Variants in ST6GALNAC3 observed in about 807,000 individuals in gnomAD.
ST6GALNAC3 encodes the protein alpha-N-acetylgalactosaminide alpha-2,6-sialyltransferase 3.
ST6GALNAC3 carries 25 observed loss-of-function variants against 32.7 expected under a neutral mutation model. The observed-to-expected ratio is 0.76, with a 90% confidence interval of 0.56 to 1.07. The LOEUF is 1.07. ST6GALNAC3 is among the 50% of genes least tolerant of loss of function. The pLI is 0.00. For missense variants in ST6GALNAC3, 355 were observed against 382.4 expected, an observed-to-expected ratio of 0.93 and a Z score of 0.60; for synonymous variants, 129 against 133.1, an observed-to-expected ratio of 0.97 and a Z score of 0.21.
chr1:76,174,483 A>G (rs974560036), intron 1 of ST6GALNAC3, among the ~76,000 whole-genome samples: 2 of 151,170 alleles, frequency 1.3e-5, no homozygotes, highest in African/African-American at 2.4e-5. Flanking sequence ...GACTGTTTAC[A>G]TTTTCGTGAA....
chr1:76,454,257 G>C (rs1289352829), intron 3 of ST6GALNAC3, among the ~76,000 whole-genome samples: 3 of 152,078 alleles, frequency 2.0e-5, no homozygotes, highest in African/African-American at 7.2e-5. Flanking sequence ...CTTTTATGTG[G>C]AACATTTAGG....
At chr1:76,358,641 A>G (rs1164074931) in intron 2 of ST6GALNAC3, among the ~76,000 whole-genome samples, 1 of 152,094 alleles carries the variant, frequency 6.6e-6, no homozygotes, top group African/African-American at 2.4e-5. Flanking sequence ...ACTCCTCTAC[A>G]GTTACCATGG....
Position 76,074,845 on chromosome 1 carries a change from G to T in ST6GALNAC3, c.-22G>T. 4 of 1,585,152 alleles carry T rather than the reference G, an allele frequency of 2.5e-6. No individual in the cohort carries two copies. Among genetic ancestry groups the T allele is most frequent in the Non-Finnish European group, 3.4e-6 (4 of 1,166,192 alleles). ...ACCCAGGCGCGCCCGCTGCTCGGTG[G>T]CAGGAGGGCCGGCGGAGCGCCATGG... On this transcript the variant is annotated 5_prime_UTR_variant, in exon 1 of 5. Coordinates refer to ENST00000328299, the MANE Select transcript of ST6GALNAC3 (RefSeq NM_152996.4).
At chr1:76,574,047 A>G (rs315025) in intron 3 of ST6GALNAC3, among the ~76,000 whole-genome samples, 130,104 of 152,138 alleles carry the variant, frequency 0.86, 55,721 homozygotes, top group Middle Eastern at 0.88. Flanking sequence ...ACACTGCAAT[A>G]AATAATGCAA....
chr1:76,499,543 C>A (rs1159988040), intron 3 of ST6GALNAC3, among the ~76,000 whole-genome samples: 3 of 152,130 alleles, frequency 2.0e-5, no homozygotes, highest in Non-Finnish European at 4.4e-5. Flanking sequence ...CTACTCAGTT[C>A]TCCTTTGGTA....
intron 1 of ST6GALNAC3, among the ~76,000 whole-genome samples, chr1:76,281,632 C>T (rs1659502397): frequency 6.6e-6 from 1 of 152,210 alleles, no homozygotes; most frequent in South Asian, 2.1e-4. Context: ...AATCAGAATG[C>T]TGGAGCCAGG....
At chr1:76,175,140 T>C (rs911213022) in intron 1 of ST6GALNAC3, among the ~76,000 whole-genome samples, 2 of 152,150 alleles carry the variant, frequency 1.3e-5, no homozygotes, top group African/African-American at 4.8e-5. Flanking sequence ...TTTGATTACA[T>C]CCTTTGTATA....
chr1:76,569,409 A>T (rs34427182), intron 3 of ST6GALNAC3, among the ~76,000 whole-genome samples: 6,984 of 152,240 alleles, frequency 0.046, 215 homozygotes, highest in Non-Finnish European at 0.067. Flanking sequence ...ATTAACCTTG[A>T]GTGAGCTGAG....
chr1:76,256,517 T>A (rs1297146246), intron 1 of ST6GALNAC3, among the ~76,000 whole-genome samples: 4 of 152,134 alleles, frequency 2.6e-5, no homozygotes, highest in Non-Finnish European at 4.4e-5. Context: ...ACTGCTTCCA[T>A]GAGTTTAAAT....
chr1:76,337,206 G>A (rs1321088612), intron 2 of ST6GALNAC3, among the ~76,000 whole-genome samples: 2 of 152,104 alleles, frequency 1.3e-5, no homozygotes, highest in Non-Finnish European at 2.9e-5. Context: ...CTTGGACAAG[G>A]GGCACATCAT....
At chr1:76,358,066 A>T (rs1158603861) in intron 2 of ST6GALNAC3, among the ~76,000 whole-genome samples, 1 of 152,092 alleles carries the variant, frequency 6.6e-6, no homozygotes, top group Admixed American at 6.6e-5. Context: ...TTCTTTTTTT[A>T]AAAAACCATT....
intron 1 of ST6GALNAC3, among the ~76,000 whole-genome samples, chr1:76,145,410 G>A (rs1650614193): frequency 2.0e-5 from 3 of 152,242 alleles, no homozygotes; most frequent in South Asian, 4.2e-4. Flanking sequence ...AGCAGCATGG[G>A]CATCACCAGG....
intron 3 of ST6GALNAC3, among the ~76,000 whole-genome samples, chr1:76,570,772 A>G (rs894828416): frequency 7.3e-5 from 11 of 151,566 alleles, no homozygotes; most frequent in African/African-American, 2.7e-4. Context: ...TTCTTTCTTC[A>G]TTTCCTTTCT....
intron 1 of ST6GALNAC3, among the ~76,000 whole-genome samples, chr1:76,195,838 C>T (rs955417695): frequency 6.6e-6 from 1 of 152,064 alleles, no homozygotes; most frequent in African/African-American, 2.4e-5. Flanking sequence ...CAAGCATGGG[C>T]TTGGTTGGAC....
At chr1:76,292,557 A>G (rs1192384323) in intron 1 of ST6GALNAC3, among the ~76,000 whole-genome samples, 1 of 152,202 alleles carries the variant, frequency 6.6e-6, no homozygotes, top group African/African-American at 2.4e-5. Flanking sequence ...ACTTGTTGCA[A>G]TTTTTAAAGG....
intron 1 of ST6GALNAC3, among the ~76,000 whole-genome samples, chr1:76,212,694 C>T (rs1655237952): frequency 6.6e-6 from 1 of 152,096 alleles, no homozygotes; most frequent in Admixed American, 6.5e-5. Flanking sequence ...GAGGGTTTTT[C>T]AGGCCACTTT....
chr1:76,082,568 C>T (rs1646911743), intron 1 of ST6GALNAC3, among the ~76,000 whole-genome samples: 2 of 152,206 alleles, frequency 1.3e-5, no homozygotes, highest in South Asian at 4.1e-4. Context: ...ATTGCTGTTT[C>T]TCTCAATTCA....
chr1:76,440,290 G>A (rs1193243473), intron 3 of ST6GALNAC3, among the ~76,000 whole-genome samples: 1 of 152,234 alleles, frequency 6.6e-6, no homozygotes, highest in African/African-American at 2.4e-5. Context: ...AAGGGCATAT[G>A]TGTCAGATCA....
chr1:76,434,784 GTTTTTTT>G (rs1211703628), intron 3 of ST6GALNAC3, among the ~76,000 whole-genome samples: 41 of 72,204 alleles, frequency 5.7e-4, no homozygotes, highest in African/African-American at 4.0e-4. Context: ...TTTTTTCTCT[GTTTTTTT>G]TTTTTTTTTT....
Sources: allele counts gnomAD v4.1 joint callset (sites outside exome capture counted in the v4.1 genomes callset), GRCh38; gene constraint gnomAD v4.1.1; transcripts MANE v1.5; gene names NCBI Gene and HGNC (gene_info 2026-07-23, HGNC 2026-07-21).